Variants in DDHD1 observed in about 807,000 individuals in gnomAD.
DDHD1 encodes the protein DDHD domain containing 1.
Under a neutral mutation model 96.4 loss-of-function variants are expected in DDHD1, and 49 were observed. The observed-to-expected ratio is 0.51, with a 90% CI of 0.40 to 0.64. DDHD1 has a LOEUF of 0.64. Ranked by LOEUF, DDHD1 falls within the 30% of genes least tolerant of loss-of-function variation. The pLI, the probability that DDHD1 is intolerant of heterozygous loss-of-function variation, is 0.00. For synonymous variants in DDHD1, 442 were observed against 446.5 expected, an observed-to-expected ratio of 0.99 and a Z score of 0.13; for missense variants, 1,106 against 1,161.2, an observed-to-expected ratio of 0.95 and a Z score of 0.69.
chr14:53,138,487 G>A (rs1245032358), intron 1 of DDHD1, among the ~76,000 whole-genome samples: 1 of 152,192 alleles, frequency 6.6e-6, no homozygotes, highest in Non-Finnish European at 1.5e-5. Flanking sequence ...GTATTTTGGT[G>A]TTTATAACAA....
chr14:53,046,743 G>T lies in DDHD1; in HGVS notation c.*25C>A. On this transcript the variant is annotated 3_prime_UTR_variant, in exon 13 of 13. Transcript: ENST00000673822. ...ACGGAAAAAAAAAAAATCAGTTTTA[G>T]GCCATTCATGTCCTTCAAGAGAGTT... is the stretch of plus-strand genomic sequence containing the variant. 2 of 1,456,814 alleles carry T rather than the reference G, an allele frequency of 1.4e-6. No homozygotes were observed. Among genetic ancestry groups the T allele is most frequent in the Non-Finnish European group, 1.8e-6 (2 of 1,103,072 alleles). 90.2% of individuals were successfully genotyped at this position (1,456,814 alleles called of 1,614,324 possible). A position where few individuals can be genotyped will look rare whatever the true frequency, so the allele number is the denominator to read the frequency against.
intron 1 of DDHD1, among the ~76,000 whole-genome samples, chr14:53,139,367 A>AT (rs1054376901): frequency 1.3e-5 from 2 of 152,192 alleles, no homozygotes; most frequent in Admixed American, 1.3e-4. Context: ...CCTTCTTGAG[A>AT]TAAAGGTGGA....
chr14:53,070,757 C>T (rs1228053808), intron 6 of DDHD1, among the ~76,000 whole-genome samples: 1 of 152,130 alleles, frequency 6.6e-6, no homozygotes, highest in Non-Finnish European at 1.5e-5. Flanking sequence ...AAATGCTTTA[C>T]ATGTCTATTA....
chr14:53,143,035 T>C lies in DDHD1; in HGVS notation c.838+9226A>G, dbSNP rs902615297. The stretch of plus-strand genomic sequence containing the variant: ...GTTTTATAGAACTTACTATTCATCA[T>C]GGGATATTTTTAAGATCTTTAAATA... On this transcript the variant is annotated intron_variant, in intron 1 of 12. Transcript: ENST00000673822. Among the ~76,000 whole-genome samples, 9 of 152,376 alleles carry C rather than the reference T, an allele frequency of 5.9e-5. No individual in the cohort carries two copies. In the East Asian group the frequency reaches 1.7e-3, roughly 29 times the overall value.
chr14:53,067,598 T>C (rs928814773), intron 6 of DDHD1, among the ~76,000 whole-genome samples: 8 of 151,950 alleles, frequency 5.3e-5, no homozygotes, highest in Admixed American at 1.3e-4. Context: ...GCTGGGATTA[T>C]AGGCGTGTGC....
At chr14:53,131,418 C>G (rs1351889522) in intron 1 of DDHD1, among the ~76,000 whole-genome samples, 1 of 152,164 alleles carries the variant, frequency 6.6e-6, no homozygotes, top group Admixed American at 6.6e-5. Context: ...GGAATAAAGC[C>G]TGTCCAGGAT....
At chr14:53,099,114 C>T (rs1887111500) in intron 2 of DDHD1, among the ~76,000 whole-genome samples, 1 of 151,662 alleles carries the variant, frequency 6.6e-6, no homozygotes, top group South Asian at 2.1e-4. Context: ...TTTTAGTATT[C>T]CATTTTAATT....
intron 12 of DDHD1, among the ~76,000 whole-genome samples, chr14:53,048,100 A>C (rs1882188352): frequency 6.6e-6 from 1 of 152,206 alleles, no homozygotes; most frequent in Admixed American, 6.5e-5. Context: ...ATTTCATATA[A>C]ATGCTTAGTT....
At chr14:53,128,859 T>C (rs1157343809) in intron 1 of DDHD1, among the ~76,000 whole-genome samples, 1 of 152,208 alleles carries the variant, frequency 6.6e-6, no homozygotes, top group African/African-American at 2.4e-5. Context: ...ACCATTGTGA[T>C]ATGTTCCTGC....
intron 1 of DDHD1, among the ~76,000 whole-genome samples, chr14:53,131,908 C>T (rs911674848): frequency 5.9e-5 from 9 of 152,140 alleles, no homozygotes; most frequent in Non-Finnish European, 1.3e-4. Flanking sequence ...TTCATGAAAA[C>T]ATGCATGCTC....
In DDHD1 at chr14:53,145,674, C is replaced by T. The variant is rs928980972; in HGVS notation, c.838+6587G>A. 2.0e-5 allele frequency among the ~76,000 whole-genome samples: 3 copies of T among 152,178 alleles called. No homozygotes were observed. In the South Asian group the frequency reaches 6.2e-4, roughly 32 times the overall value. ...ATTTCCATTCATATAGTTAATATTACATTCTAGCACATAAAAGCTTAACTC... is the reference window on the plus strand; with the variant it reads ...ATTTCCATTCATATAGTTAATATTATATTCTAGCACATAAAAGCTTAACTC... On this transcript the variant is annotated intron_variant, in intron 1 of 12. Coordinates refer to ENST00000673822, the MANE Select transcript of DDHD1 (RefSeq NM_001160148.2).
rs180702543 is a variant in DDHD1 at position 53,095,654 on chromosome 14, G to A, written c.1013-2210C>T. ...CCAAAGAAAATAATGTATAAGGTCA[G>A]CTTTTTAAATAAAAGAGCTTTTCAT... On this transcript the variant is annotated intron_variant, in intron 2 of 12. Coordinates refer to ENST00000673822, the MANE Select transcript of DDHD1 (RefSeq NM_001160148.2). 2.6e-5 allele frequency among the ~76,000 whole-genome samples: 4 copies of A among 152,228 alleles called. No individual in the cohort carries two copies. In the East Asian group the frequency reaches 7.7e-4, roughly 29 times the overall value.
chr14:53,095,819 G>C (rs948499903), intron 2 of DDHD1, among the ~76,000 whole-genome samples: 1 of 152,060 alleles, frequency 6.6e-6, no homozygotes, highest in Non-Finnish European at 1.5e-5. Context: ...TGCTTAAAAC[G>C]TTAAACTATG....
chr14:53,120,445 A>T (rs990842263), intron 1 of DDHD1, among the ~76,000 whole-genome samples: 2 of 152,134 alleles, frequency 1.3e-5, no homozygotes, highest in African/African-American at 4.8e-5. Context: ...TTAGAAAAAA[A>T]TACTTTAAAT....
intron 8 of DDHD1, among the ~76,000 whole-genome samples, chr14:53,059,659 T>C (rs1348806344): frequency 4.1e-5 from 6 of 146,692 alleles, no homozygotes; most frequent in Non-Finnish European, 6.1e-5. Flanking sequence ...AGGTCAGGAG[T>C]TCGAGACCAG....
Position 53,152,943 on chromosome 14 carries a change from G to C in DDHD1, c.156C>G (p.Gly52=), listed in dbSNP as rs367621941. 6.3e-7 allele frequency: 1 copy of C among 1,596,536 alleles called. No homozygotes were observed. Among genetic ancestry groups the C allele is most frequent in the Non-Finnish European group, 8.5e-7 (1 of 1,173,948 alleles). Residue 52 remains glycine (G), a synonymous_variant, in exon 1 of 13, where the codon GGC becomes GGG. Transcript: ENST00000673822. ...CGCGCAGCAGGGCCAGGGGCACGTC[G>C]CCGTCGTCCGGGTCCCCGCCGGGCA... ...EHLPGGDPDD[G]DVPLALLRGE...
intron 1 of DDHD1, among the ~76,000 whole-genome samples, chr14:53,151,103 C>A (rs914935534): frequency 1.3e-5 from 2 of 152,104 alleles, no homozygotes; most frequent in African/African-American, 4.8e-5. Flanking sequence ...CAATTCAATA[C>A]CTAGTTATTG....
intron 7 of DDHD1, among the ~76,000 whole-genome samples, chr14:53,062,150 A>G (rs555935988): frequency 1.3e-5 from 2 of 151,234 alleles, no homozygotes; most frequent in East Asian, 3.9e-4. Context: ...CAAACATGAC[A>G]TTTTATTTCA....
chr14:53,089,873 G>A (rs1398458309), intron 4 of DDHD1, among the ~76,000 whole-genome samples: 1 of 152,102 alleles, frequency 6.6e-6, no homozygotes, highest in African/African-American at 2.4e-5. Context: ...ATTGACAAAA[G>A]GGATCTAATT....
Sources: gnomAD v4.1 joint callset for allele counts (sites outside exome capture counted in the v4.1 genomes callset) on GRCh38, gnomAD v4.1.1 for gene constraint, MANE v1.5 for transcripts, NCBI Gene and HGNC (gene_info 2026-07-23, HGNC 2026-07-21) for gene names.